HSD17B12: variants seen among roughly 807,000 people sequenced by gnomAD.
The protein encoded by HSD17B12 is hydroxysteroid 17-beta dehydrogenase 12.
In HSD17B12, 32 loss-of-function variants were observed where a neutral mutation model predicts 39.3. The observed-to-expected ratio is 0.81, with a 90% confidence interval of 0.61 to 1.09. The LOEUF (loss-of-function observed/expected upper bound fraction) is 1.09. Ranked by LOEUF, HSD17B12 falls within the 50% of genes least tolerant of loss-of-function variation. The pLI is 0.00. For synonymous variants in HSD17B12, 150 were observed against 146.7 expected (o/e 1.02, Z -0.16); for missense variants, 342 against 382.9 (o/e 0.89, Z 0.89).
At chr11:43,575,996 G>T in the HSD17B12 span, among the ~76,000 whole-genome samples, 1 of 152,148 alleles carries the variant, frequency 6.6e-6, no homozygotes, top group Non-Finnish European at 1.5e-5. The surrounding 1 kb of genome is among the most constrained non-coding windows in gnomAD (Gnocchi z 4.1). Flanking sequence ...CTCCATCGTG[G>T]ATAGCAATCG....
chr11:43,580,147 G>A, the HSD17B12 span, among the ~76,000 whole-genome samples: 5 of 151,714 alleles, frequency 3.3e-5, no homozygotes, highest in Non-Finnish European at 7.4e-5. Flanking sequence ...AGTTTGGATG[G>A]ATGGGATGGA....
chr11:43,734,830 T>C (rs770398127), intron 1 of HSD17B12, among the ~76,000 whole-genome samples: 9 of 152,220 alleles, frequency 5.9e-5, no homozygotes, highest in Non-Finnish European at 8.8e-5. Flanking sequence ...CAGGGGGCTT[T>C]AGTACATTCA....
chr11:43,823,131 G>T (rs1466653706), intron 6 of HSD17B12, among the ~76,000 whole-genome samples: 1 of 152,060 alleles, frequency 6.6e-6, no homozygotes, highest in Non-Finnish European at 1.5e-5. Flanking sequence ...TTCAACCAAG[G>T]TGGGGGCTTG....
intron 1 of HSD17B12, among the ~76,000 whole-genome samples, chr11:43,690,404 A>G (rs4540827): frequency 4.0e-5 from 1 of 24,960 alleles, no homozygotes; most frequent in Non-Finnish European, 6.9e-5. Flanking sequence ...ATATATATAT[A>G]TTTTTTTTTT....
At chr11:43,695,591 T>G (rs1387453738) in intron 1 of HSD17B12, among the ~76,000 whole-genome samples, 1 of 152,144 alleles carries the variant, frequency 6.6e-6, no homozygotes, top group Non-Finnish European at 1.5e-5. Flanking sequence ...AAAAAAATCT[T>G]TATTATGAAA....
the HSD17B12 span, among the ~76,000 whole-genome samples, chr11:43,615,386 A>G: frequency 6.6e-6 from 1 of 152,182 alleles, no homozygotes; most frequent in African/African-American, 2.4e-5. Flanking sequence ...TGTCCTGTGC[A>G]TGCACAATTT....
the HSD17B12 span, among the ~76,000 whole-genome samples, chr11:43,671,252 A>T: frequency 6.6e-6 from 1 of 151,924 alleles, no homozygotes; most frequent in Admixed American, 6.6e-5. Context: ...GGTTCAAGCG[A>T]TTCTCCAGCC....
upstream of HSD17B12, among the ~76,000 whole-genome samples, chr11:43,677,588 C>T (rs1352543809): frequency 1.3e-5 from 2 of 152,054 alleles, no homozygotes; most frequent in Admixed American, 1.3e-4. Flanking sequence ...CTATTCCTCC[C>T]CACCCCCCCA....
chr11:43,605,549 A>G, the HSD17B12 span, among the ~76,000 whole-genome samples: 1 of 150,624 alleles, frequency 6.6e-6, no homozygotes, highest in Non-Finnish European at 1.5e-5. Context: ...CAACAAGAGC[A>G]AAACTCCATC....
intron 3 of HSD17B12, among the ~76,000 whole-genome samples, chr11:43,760,647 T>G (rs948155103): frequency 6.6e-6 from 1 of 152,240 alleles, no homozygotes; most frequent in Admixed American, 6.5e-5. Flanking sequence ...AGTTAAGATA[T>G]GAATTTGACC....
chr11:43,750,051 C>T (rs1950450519), intron 1 of HSD17B12, among the ~76,000 whole-genome samples: 2 of 152,054 alleles, frequency 1.3e-5, no homozygotes. Context: ...ATAATTAAGA[C>T]CATTTTCTAT....
chr11:43,741,412 G>A (rs1272758581), intron 1 of HSD17B12, among the ~76,000 whole-genome samples: 2 of 151,896 alleles, frequency 1.3e-5, no homozygotes, highest in African/African-American at 4.8e-5. Context: ...GAGTTTGCTG[G>A]CTCAGTTTAC....
chr11:43,656,169 C>G, the HSD17B12 span, among the ~76,000 whole-genome samples: 2 of 152,150 alleles, frequency 1.3e-5, no homozygotes, highest in African/African-American at 4.8e-5. Context: ...TCCATTTCTT[C>G]TAGATTTTCT....
chr11:43,612,233 A>C, the HSD17B12 span, among the ~76,000 whole-genome samples: 1 of 152,186 alleles, frequency 6.6e-6, no homozygotes, highest in Non-Finnish European at 1.5e-5. Flanking sequence ...TATAAAACTA[A>C]TAGTTATTAT....
At chr11:43,560,813 G>A in the HSD17B12 span, among the ~76,000 whole-genome samples, 4 of 152,168 alleles carry the variant, frequency 2.6e-5, no homozygotes, top group Non-Finnish European at 5.9e-5. Flanking sequence ...TACACAAGTT[G>A]CACGCTCCTG....
chr11:43,778,692 A>G (rs1950735485), intron 3 of HSD17B12, among the ~76,000 whole-genome samples: 1 of 151,570 alleles, frequency 6.6e-6, no homozygotes, highest in Non-Finnish European at 1.5e-5. Flanking sequence ...TATGCAAATC[A>G]ATAAATGTAA....
chr11:43,686,655 G>A (rs1164088888), intron 1 of HSD17B12, among the ~76,000 whole-genome samples: 1 of 148,046 alleles, frequency 6.8e-6, no homozygotes, highest in Non-Finnish European at 1.5e-5. Flanking sequence ...CCTATTTAGA[G>A]GTCAAACTTG....
intron 3 of HSD17B12, among the ~76,000 whole-genome samples, chr11:43,757,303 C>T (rs1393794223): frequency 6.6e-6 from 1 of 152,098 alleles, no homozygotes; most frequent in Non-Finnish European, 1.5e-5. Context: ...GCATGCAGTC[C>T]CTGTTCTCAA....
chr11:43,669,430 G>T, the HSD17B12 span, among the ~76,000 whole-genome samples: 2 of 152,082 alleles, frequency 1.3e-5, no homozygotes, highest in African/African-American at 4.8e-5. Context: ...GGACCTGGGA[G>T]GCGGAGGTTG....
Sources: gnomAD v4.1 joint callset for allele counts (sites outside exome capture counted in the v4.1 genomes callset) on GRCh38, gnomAD v4.1.1 for gene constraint, Gnocchi (gnomAD v3.1) non-coding constraint, MANE v1.5 for transcripts, NCBI Gene and HGNC (gene_info 2026-07-23, HGNC 2026-07-21) for gene names.